LMX1B: variants seen among roughly 807,000 people sequenced by gnomAD.
LMX1B encodes LIM homeobox transcription factor 1 beta.
Under a neutral mutation model 51.4 loss-of-function variants are expected in LMX1B, and 12 were observed. That is an observed-to-expected ratio of 0.23 (90% confidence interval 0.15 to 0.38). LMX1B has a LOEUF of 0.38. Among genes scored for constraint, LMX1B ranks in the 10% least tolerant of loss-of-function variants. The pLI is 1.00. For synonymous variants in LMX1B, 237 were observed against 235.4 expected (o/e 1.01, Z -0.06); for missense variants, 445 against 571.1 (o/e 0.78, Z 2.25).
chr9:126,624,230 CG>C (rs1388855120), intron 2 of LMX1B, among the ~76,000 whole-genome samples: 9 of 152,296 alleles, frequency 5.9e-5, no homozygotes, highest in Non-Finnish European at 8.8e-5. Context: ...CTTGGTGGCT[CG>C]GGGGCTCTCT....
chr9:126,660,128 TC>T (rs1836210147), intron 2 of LMX1B, among the ~76,000 whole-genome samples: 1 of 151,466 alleles, frequency 6.6e-6, no homozygotes, highest in African/African-American at 2.4e-5. Flanking sequence ...TTAGAGATTG[TC>T]CTGTGTGGGG....
chr9:126,660,204 C>CTA (rs1836215206), intron 2 of LMX1B, among the ~76,000 whole-genome samples: 6 of 148,180 alleles, frequency 4.0e-5, no homozygotes, highest in Non-Finnish European at 4.5e-5. Flanking sequence ...AGAGGTTGTC[C>CTA]TGTGTGGGGG....
intron 2 of LMX1B, among the ~76,000 whole-genome samples, chr9:126,689,617 G>C (rs780636501): frequency 6.6e-6 from 1 of 152,186 alleles, no homozygotes. Flanking sequence ...CGGGAGGAGC[G>C]GTCAGCAGAC....
At chr9:126,689,712 CT>C (rs1255878834) in intron 2 of LMX1B, among the ~76,000 whole-genome samples, 1 of 150,310 alleles carries the variant, frequency 6.7e-6, no homozygotes, top group African/African-American at 2.4e-5. Context: ...CCTCGTTTGT[CT>C]GCAGAGATGA....
At chr9:126,682,404 C>T (rs1393424549) in intron 2 of LMX1B, among the ~76,000 whole-genome samples, 2 of 152,146 alleles carry the variant, frequency 1.3e-5, no homozygotes, top group African/African-American at 2.4e-5. Context: ...GCCTTGTAGT[C>T]ACCATTCGTC....
chr9:126,693,034 C>T, intron 3 of LMX1B, 108 bp from the exon 4 acceptor site: 1 of 1,216,002 alleles, frequency 8.2e-7, no homozygotes, highest in South Asian at 1.5e-5. Flanking sequence ...CGGCAGGTGT[C>T]AACAGAGGGG....
chr9:126,651,344 C>G (rs1836002371), intron 2 of LMX1B, among the ~76,000 whole-genome samples: 2 of 151,786 alleles, frequency 1.3e-5, no homozygotes, highest in Non-Finnish European at 2.9e-5. Flanking sequence ...CCTGGCCTAT[C>G]TGTCCCCAGA....
intron 2 of LMX1B, among the ~76,000 whole-genome samples, chr9:126,663,630 G>A (rs1836287086): frequency 6.6e-6 from 1 of 152,162 alleles, no homozygotes; most frequent in Non-Finnish European, 1.5e-5. Context: ...GTAGTGCCTG[G>A]CGCCTAATGA....
chr9:126,656,143 T>C (rs961500228), intron 2 of LMX1B, among the ~76,000 whole-genome samples: 31 of 152,248 alleles, frequency 2.0e-4, no homozygotes, highest in African/African-American at 7.2e-4. Flanking sequence ...GGCTGATGAG[T>C]TCATTGGGAG....
intron 2 of LMX1B, among the ~76,000 whole-genome samples, chr9:126,639,837 CAT>C (rs1443562368): frequency 3.3e-5 from 5 of 152,204 alleles, no homozygotes; most frequent in African/African-American, 1.2e-4. Context: ...AATAGCTTCT[CAT>C]ATGTGGGGCT....
At chr9:126,691,144 G>A (rs2030116918) in intron 3 of LMX1B, 76 bp downstream of exon 3, 3 of 1,140,208 alleles carry the variant, frequency 2.6e-6, no homozygotes, top group African/African-American at 1.5e-5. Flanking sequence ...AGTCCCGGCT[G>A]GAGAAGCCAC....
Position 126,698,088 on chromosome 9 carries a change from TGGTCTCCAACCCCCGACCTCA to T in LMX1B, c.*1641_*1661del, listed in dbSNP as rs199608526. On this transcript the variant is annotated 3_prime_UTR_variant, in exon 8 of 8. Coordinates refer to ENST00000373474, the MANE Select transcript of LMX1B (RefSeq NM_001174147.2). The stretch of plus-strand genomic sequence containing the variant: ...CGGGGTTTCTCCATGTTGGTCAGGC[TGGTCTCCAACCCCCGACCTCA>T]GGTGATCCGCCTGCCTCGGCCTCCC... 2,298 of 152,614 alleles carry T rather than the reference TGGTCTCCAACCCCCGACCTCA, an allele frequency of 0.015. 147 individuals are homozygous for T. Among genetic ancestry groups the T allele is most frequent in the Admixed American group, 0.12 (1,771 of 15,302 alleles). 9.5% of individuals were successfully genotyped at this position (152,614 alleles called of 1,614,324 possible).
intron 2 of LMX1B, among the ~76,000 whole-genome samples, chr9:126,638,295 G>T (rs1039219630): frequency 1.3e-5 from 2 of 152,202 alleles, no homozygotes; most frequent in East Asian, 3.9e-4. Context: ...GCCCTGACAG[G>T]TGTGCCCGGA....
chr9:126,634,897 C>T (rs1835689765), intron 2 of LMX1B, among the ~76,000 whole-genome samples: 1 of 152,142 alleles, frequency 6.6e-6, no homozygotes, highest in Non-Finnish European at 1.5e-5. Context: ...AGCCCAGAGA[C>T]ATGGAAGCCT....
chr9:126,630,784 C>T (rs1268679988), intron 2 of LMX1B, among the ~76,000 whole-genome samples: 1 of 152,266 alleles, frequency 6.6e-6, no homozygotes, highest in Non-Finnish European at 1.5e-5. Flanking sequence ...AGGGTGGGGC[C>T]GGCCAGGGTC....
At chr9:126,637,065 A>T (rs544690221) in intron 2 of LMX1B, among the ~76,000 whole-genome samples, 1 of 152,204 alleles carries the variant, frequency 6.6e-6, no homozygotes, top group Non-Finnish European at 1.5e-5. Context: ...CCACCAGCAT[A>T]AGCTCTGCTT....
At chr9:126,675,234 G>A (rs1836532943) in intron 2 of LMX1B, among the ~76,000 whole-genome samples, 1 of 152,176 alleles carries the variant, frequency 6.6e-6, no homozygotes, top group Non-Finnish European at 1.5e-5. Flanking sequence ...CACTCGGCTT[G>A]GTGTATGTGG....
chr9:126,619,326 G>A (rs890386909), intron 2 of LMX1B, among the ~76,000 whole-genome samples: 1 of 152,148 alleles, frequency 6.6e-6, no homozygotes, highest in Non-Finnish European at 1.5e-5. Context: ...GTGTGGCCCA[G>A]GGGGAGAGCA....
intron 2 of LMX1B, among the ~76,000 whole-genome samples, chr9:126,665,819 G>A (rs1445122229): frequency 3.3e-5 from 5 of 152,240 alleles, no homozygotes; most frequent in African/African-American, 4.8e-5. Flanking sequence ...CAGCTCAGCT[G>A]TGTCCCTCTG....
Sources: allele counts gnomAD v4.1 joint callset (sites outside exome capture counted in the v4.1 genomes callset), GRCh38; gene constraint gnomAD v4.1.1; transcripts MANE v1.5; gene names NCBI Gene and HGNC (gene_info 2026-07-23, HGNC 2026-07-21).